SYNPO: variants seen among roughly 807,000 people sequenced by gnomAD.
SYNPO encodes the protein synaptopodin.
SYNPO carries 19 observed loss-of-function variants against 49.5 expected under a neutral mutation model. The ratio of observed to expected loss-of-function variants is 0.38; its 90% CI spans 0.27 to 0.56. The LOEUF (loss-of-function observed/expected upper bound fraction) is 0.56. SYNPO is among the 20% of genes least tolerant of loss of function. The pLI is 0.68. For synonymous variants in SYNPO, 536 were observed against 548.0 expected, an observed-to-expected ratio of 0.98 and a Z score of 0.31; for missense variants, 1,131 against 1,248.3, an observed-to-expected ratio of 0.91 and a Z score of 1.42.
intron 2 of SYNPO, chr5:150,652,294 C>T: frequency 1.0e-6 from 1 of 997,472 alleles, no homozygotes; most frequent in Non-Finnish European, 1.2e-6. Context: ...AGCTCTGCCC[C>T]CAACTTTGTT....
the SYNPO span, among the ~76,000 whole-genome samples, chr5:150,588,077 C>A: frequency 6.6e-6 from 1 of 152,150 alleles, no homozygotes; most frequent in Non-Finnish European, 1.5e-5. Flanking sequence ...AGTCAGTGTA[C>A]AGTATGAATT....
rs988050922 is a variant in SYNPO, at chr5:150,656,413, G to A, written c.2038G>A (p.Glu680Lys). The A allele has an allele frequency of 2.0e-6, 3 of 1,529,464 alleles. No homozygotes were observed. The highest frequency in any genetic ancestry group is 4.0e-5 in the Admixed American group (2 of 50,536). 94.7% of individuals were successfully genotyped at this position (1,529,464 alleles called of 1,614,324 possible). A position where few individuals can be genotyped will look rare whatever the true frequency, so the allele number is the denominator to read the frequency against. Residue 680 changes from glutamate (E) to lysine (K), a missense_variant, in exon 3 of 3, where the codon GAG becomes AAG. This residue lies in a region of SYNPO where 509 missense variants were observed against 484.5 expected (regional missense o/e 1.05). Coordinates refer to ENST00000307662, the MANE Select transcript of SYNPO (RefSeq NM_007286.6). ...NAGIEAQDRR[E>K]SLPTSPPWTP... ...TCTGCTCTCTCCCCAGGACCGCCGG[G>A]AGAGCCTGCCCACCTCCCCACCCTG...
the SYNPO span, among the ~76,000 whole-genome samples, chr5:150,587,152 A>G: frequency 6.6e-6 from 1 of 152,084 alleles, no homozygotes; most frequent in Non-Finnish European, 1.5e-5. Context: ...GGATGGATAT[A>G]GGGGTACATG....
In SYNPO at chr5:150,618,686, G is replaced by C. The variant is rs6868344; in HGVS notation, c.319G>C (p.Asp107His). The C allele has an allele frequency of 6.0e-4, 932 of 1,551,410 alleles. 6 individuals carry two copies. The African/African-American group carries it at 0.012, about 20-fold the overall frequency. ...CCAGCACGACGACAGGGCCAGCCAG[G>C]ACTGGGATGTAGTGAAGGCCGGGCA... The change falls in exon 2 of 3, where the codon GAC becomes CAC. Residue 107 changes from aspartate (D) to histidine (H), a missense_variant. Transcript: ENST00000394243.
intron 2 of SYNPO, chr5:150,652,512 G>C: frequency 1.5e-6 from 1 of 660,352 alleles, no homozygotes; most frequent in African/African-American, 2.0e-5. Context: ...TGGTACAGAC[G>C]TGTGCTGGGT....
intron 2 of SYNPO, among the ~76,000 whole-genome samples, chr5:150,623,600 G>A (rs536462221): frequency 6.6e-6 from 1 of 152,144 alleles, no homozygotes; most frequent in South Asian, 2.1e-4. Context: ...ATTCTCTGAA[G>A]CCCATGAGGC....
Position 150,656,421 on chromosome 5 carries a change from G to A in SYNPO, c.2046G>A (p.Leu682=), listed in dbSNP as rs1758551395. The part of the protein sequence containing the change: ...GIEAQDRRES[L]PTSPPWTPGA... The stretch of plus-strand genomic sequence containing the variant: ...CTCCCCAGGACCGCCGGGAGAGCCT[G>A]CCCACCTCCCCACCCTGGACGCCGG... The change falls in exon 3 of 3, where the codon CTG becomes CTA. Residue 682 remains leucine (L), a synonymous_variant. Transcript: ENST00000307662. 2.0e-6 allele frequency: 3 copies of A among 1,529,550 alleles called. No individual in the cohort carries two copies. Among genetic ancestry groups the A allele is most frequent in the Admixed American group, 2.0e-5 (1 of 50,528 alleles). 94.7% of individuals were successfully genotyped at this position (1,529,550 alleles called of 1,614,324 possible).
intron 2 of SYNPO, among the ~76,000 whole-genome samples, chr5:150,631,975 G>C (rs1326626815): frequency 1.3e-5 from 2 of 152,152 alleles, no homozygotes; most frequent in African/African-American, 4.8e-5. Context: ...GGCCGCCCCA[G>C]ACCTACTTCC....
At chr5:150,625,917 A>G (rs1757340964) in intron 2 of SYNPO, among the ~76,000 whole-genome samples, 1 of 152,188 alleles carries the variant, frequency 6.6e-6, no homozygotes, top group African/African-American at 2.4e-5. Flanking sequence ...TTGTTATGTG[A>G]TCTTGGAGCA....
intron 2 of SYNPO, among the ~76,000 whole-genome samples, chr5:150,655,498 G>A (rs193282822): frequency 6.6e-6 from 1 of 152,340 alleles, no homozygotes; most frequent in East Asian, 1.9e-4. Context: ...AAGTCATGGG[G>A]AAACCGAAGC....
chr5:150,649,930 A>G lies in SYNPO; in HGVS notation c.1655A>G (p.Asn552Ser). 1 of 1,612,210 alleles carries G rather than the reference A, an allele frequency of 6.2e-7. No homozygotes were observed. Among genetic ancestry groups the G allele is most frequent in the African/African-American group, 1.3e-5 (1 of 75,000 alleles). ...CTCTACCATGGCTACCTGCCTGAGAACGGGGTCCTGCGCCCAGAGCCCACC... is the reference window on the plus strand; with the variant it reads ...CTCTACCATGGCTACCTGCCTGAGAGCGGGGTCCTGCGCCCAGAGCCCACC... ...ASLYHGYLPE[N>S]GVLRPEPTKQ... is the part of the protein sequence containing the mutation. Residue 552 changes from asparagine (N) to serine (S), a missense_variant, in exon 2 of 3, where the codon AAC (asparagine) becomes AGC (serine). By Grantham distance (46) the Asn-to-Ser change is conservative. Coordinates refer to ENST00000307662, the MANE Select transcript of SYNPO (RefSeq NM_007286.6).
rs1342791350 is a variant in SYNPO, at chr5:150,656,601, T to C, written c.2226T>C (p.Pro742=). Residue 742 remains proline, a synonymous_variant, in exon 3 of 3, where the codon CCT becomes CCC. Coordinates refer to ENST00000307662, the MANE Select transcript of SYNPO (RefSeq NM_007286.6). ...WSERSVSPLR[P]ETEARPPSRQ... The stretch of plus-strand genomic sequence containing the variant: ...AGCGCTCGGTGTCCCCGCTGCGACC[T>C]GAGACCGAGGCGCGGCCCCCCAGCC... 6.6e-7 allele frequency: 1 copy of C among 1,516,296 alleles called. No individual in the cohort carries two copies. The highest frequency in any genetic ancestry group is 8.8e-7 in the Non-Finnish European group (1 of 1,139,632). 93.9% of individuals were successfully genotyped at this position (1,516,296 alleles called of 1,614,324 possible).
chr5:150,627,702 CAG>C (rs1388256742), intron 2 of SYNPO, among the ~76,000 whole-genome samples: 1 of 152,134 alleles, frequency 6.6e-6, no homozygotes, highest in Non-Finnish European at 1.5e-5. Context: ...GACTTCAGAA[CAG>C]AGACCTGAAT....
At chr5:150,627,753 G>GT (rs988776576) in intron 2 of SYNPO, among the ~76,000 whole-genome samples, 1 of 152,106 alleles carries the variant, frequency 6.6e-6, no homozygotes, top group African/African-American at 2.4e-5. Context: ...TGGGGAAGGT[G>GT]TATCTGCAAC....
chr5:150,657,209 C>A lies in SYNPO; in HGVS notation c.*122C>A. The stretch of plus-strand genomic sequence containing the variant: ...GAGATGAGGGGTCAGCAGAGGAGAG[C>A]TCTGGGGTTGGGGATGGGTTAGGGA... On this transcript the variant is annotated 3_prime_UTR_variant, in exon 3 of 3. Coordinates refer to ENST00000307662, the MANE Select transcript of SYNPO (RefSeq NM_007286.6). The A allele has an allele frequency of 8.7e-7, 1 of 1,147,536 alleles. No homozygotes were observed. Among genetic ancestry groups the A allele is most frequent in the Non-Finnish European group, 1.2e-6 (1 of 832,494 alleles). 71.1% of individuals were successfully genotyped at this position (1,147,536 alleles called of 1,614,324 possible).
chr5:150,650,815 C>A (rs926758924), intron 2 of SYNPO: 1 of 1,280,862 alleles, frequency 7.8e-7, no homozygotes, highest in Non-Finnish European at 9.9e-7. Flanking sequence ...AAGCTCCTGG[C>A]GTCTTTCTTC....
intron 2 of SYNPO, chr5:150,652,269 C>A (rs1255026571): frequency 1.0e-6 from 1 of 999,896 alleles, no homozygotes; most frequent in Admixed American, 6.1e-5. Flanking sequence ...TTCTGCAGCT[C>A]CTGCGGCCAG....
At chr5:150,615,975 T>C (rs1179877758) in intron 1 of SYNPO, among the ~76,000 whole-genome samples, 1 of 152,250 alleles carries the variant, frequency 6.6e-6, no homozygotes, top group Non-Finnish European at 1.5e-5. Context: ...TGACCCAAGA[T>C]AGAAGAGGTG....
exon 1 of SYNPO, chr5:150,601,142 C>G (rs1219835903): frequency 6.6e-6 from 1 of 152,626 alleles, no homozygotes; most frequent in Non-Finnish European, 1.5e-5. Flanking sequence ...GACAGAGGCC[C>G]GGGCACAGCC....
Sources: allele counts gnomAD v4.1 joint callset (sites outside exome capture counted in the v4.1 genomes callset), GRCh38; gene constraint gnomAD v4.1.1; regional missense constraint gnomAD v4.1.1; transcripts MANE v1.5; gene names NCBI Gene and HGNC (gene_info 2026-07-23, HGNC 2026-07-21).